The following SETD7 variants were observed in gnomAD, a reference collection of about 807,000 sequenced individuals.
SETD7 encodes SET domain containing 7, histone lysine methyltransferase.
Under a neutral mutation model 41.8 loss-of-function variants are expected in SETD7, and 16 were observed. That is an observed-to-expected ratio of 0.38 (90% CI 0.26 to 0.58). The LOEUF is 0.58. Among genes scored for constraint, SETD7 ranks in the 20% least tolerant of loss-of-function variants. The pLI is 0.64. For missense variants in SETD7, 346 were observed against 459.7 expected (o/e 0.75, Z 2.26); for synonymous variants, 163 against 169.7 (o/e 0.96, Z 0.31).
Position 139,506,839 on chromosome 4 carries a change from C to T in SETD7, c.*4824G>A, listed in dbSNP as rs539007066. 2.4e-4 allele frequency: 36 copies of T among 152,738 alleles called. No individual in the cohort carries two copies. The highest frequency in any genetic ancestry group is 8.4e-4 in the African/African-American group (35 of 41,560). 9.5% of individuals were successfully genotyped at this position (152,738 alleles called of 1,614,324 possible). On this transcript the variant is annotated 3_prime_UTR_variant, in exon 8 of 8. Coordinates refer to ENST00000274031, the MANE Select transcript of SETD7 (RefSeq NM_030648.4). ...CTTGACATTTAACAACTTTGAACAA[C>T]TGTGTGTAAAGTCACAGACAGAGGA...
downstream of SETD7, among the ~76,000 whole-genome samples, chr4:139,504,045 G>C (rs1320723400): frequency 6.6e-6 from 1 of 152,208 alleles, no homozygotes; most frequent in Non-Finnish European, 1.5e-5. Flanking sequence ...AGGCAGAGTG[G>C]AAAGATGGGA....
chr4:139,493,335 T>A (rs1007402918), downstream of SETD7, among the ~76,000 whole-genome samples: 3 of 151,892 alleles, frequency 2.0e-5, no homozygotes, highest in African/African-American at 7.3e-5. Context: ...AATCAGCAGG[T>A]ATAAAGGCCT....
At chr4:139,516,727 A>G (rs1384269708) in intron 7 of SETD7, among the ~76,000 whole-genome samples, 6 of 152,050 alleles carry the variant, frequency 3.9e-5, no homozygotes, top group African/African-American at 1.4e-4. Flanking sequence ...AAATATATGT[A>G]CTCCTTTATA....
chr4:139,544,797 A>AGTGTGTGTGTGTGTGTGTGTGTGTGT (rs10581648), intron 2 of SETD7, among the ~76,000 whole-genome samples: 1 of 144,840 alleles, frequency 6.9e-6, no homozygotes, highest in Non-Finnish European at 1.5e-5. Context: ...CCAGATTTAA[A>AGTGTGTGTGTGTGTGTGTGTGTGTGT]GTGTGTGTGT....
At chr4:139,549,333 C>T (rs1252033940) in intron 1 of SETD7, among the ~76,000 whole-genome samples, 1 of 152,026 alleles carries the variant, frequency 6.6e-6, no homozygotes, top group African/African-American at 2.4e-5. Flanking sequence ...AATTAATTTC[C>T]ACCTTCCTTC....
exon 8 of SETD7, chr4:139,496,123 C>G: frequency 2.5e-6 from 1 of 394,372 alleles, no homozygotes; most frequent in Non-Finnish European, 4.5e-6. Flanking sequence ...TCCAAATATC[C>G]TGATTGTTTT....
downstream of SETD7, among the ~76,000 whole-genome samples, chr4:139,503,900 G>A (rs775368469): frequency 1.3e-5 from 2 of 152,202 alleles, no homozygotes; most frequent in Non-Finnish European, 2.9e-5. Flanking sequence ...TTTCCTCAGT[G>A]ATAGAGGCCA....
At chr4:139,512,177 C>G (rs1726894341) in intron 7 of SETD7, among the ~76,000 whole-genome samples, 1 of 152,166 alleles carries the variant, frequency 6.6e-6, no homozygotes, top group Non-Finnish European at 1.5e-5. Flanking sequence ...TGATCAACAA[C>G]AAAAATCTGT....
chr4:139,516,125 G>C (rs927987932), intron 7 of SETD7, among the ~76,000 whole-genome samples: 11 of 152,156 alleles, frequency 7.2e-5, no homozygotes, highest in African/African-American at 2.7e-4. Context: ...GAGACAATTA[G>C]AGCCAAGGGC....
intron 7 of SETD7, among the ~76,000 whole-genome samples, chr4:139,497,220 C>T (rs1029917406): frequency 2.6e-5 from 4 of 151,990 alleles, no homozygotes; most frequent in Non-Finnish European, 4.4e-5. Flanking sequence ...TTTGGGAGGC[C>T]GAGGTGGGCG....
chr4:139,536,797 A>G lies in SETD7; in HGVS notation c.171-3431T>C, dbSNP rs189629414. 1.3e-3 allele frequency among the ~76,000 whole-genome samples: 198 copies of G among 150,072 alleles called. 2 individuals are homozygous for G. The East Asian group carries it at 0.038, about 29-fold the overall frequency. On this transcript the variant is annotated intron_variant, in intron 2 of 7. Coordinates refer to ENST00000274031, the MANE Select transcript of SETD7 (RefSeq NM_030648.4). ...GCAGGAGGATCACCTGAGGTCAGGA[A>G]TTTGAAACTAGCCTGGCCAACATGG...
chr4:139,527,603 T>C (rs1258291849), intron 4 of SETD7, among the ~76,000 whole-genome samples: 1 of 152,148 alleles, frequency 6.6e-6, no homozygotes, highest in Admixed American at 6.5e-5. Context: ...CATAATCTTA[T>C]GGTACCACAG....
At chr4:139,548,010 A>G (rs1172410076) in intron 1 of SETD7, 1 of 152,262 alleles carries the variant, frequency 6.6e-6, no homozygotes, top group South Asian at 2.1e-4. Context: ...TACAAAACCC[A>G]GGAATCACCT....
chr4:139,537,850 T>G (rs1051368785), intron 2 of SETD7, among the ~76,000 whole-genome samples: 2 of 152,226 alleles, frequency 1.3e-5, no homozygotes, highest in Non-Finnish European at 2.9e-5. Flanking sequence ...TTAAACTTCC[T>G]ATGCTTCATT....
chr4:139,511,988 T>C, intron 7 of SETD7, 145 bp from the exon 8 acceptor site: 1 of 1,408,958 alleles, frequency 7.1e-7, no homozygotes, highest in Non-Finnish European at 9.2e-7. Context: ...TCACCCAGCA[T>C]CAGTTTCACC....
intron 2 of SETD7, among the ~76,000 whole-genome samples, chr4:139,533,651 C>A (rs1727552941): frequency 6.6e-6 from 1 of 152,214 alleles, no homozygotes; most frequent in South Asian, 2.1e-4. Context: ...AAACTGAGAA[C>A]AAGTTCACTT....
At chr4:139,549,983 T>C (rs1216522290) in intron 1 of SETD7, among the ~76,000 whole-genome samples, 4 of 152,076 alleles carry the variant, frequency 2.6e-5, no homozygotes, top group Non-Finnish European at 4.4e-5. Context: ...TTTCACTATA[T>C]TGGCCAGGCT....
At chr4:139,546,864 C>A in intron 2 of SETD7, 56 bp downstream of exon 2, 1 of 1,610,476 alleles carries the variant, frequency 6.2e-7, no homozygotes, top group South Asian at 1.1e-5. Context: ...TGTATTAGTC[C>A]TTAACATAAA....
At chr4:139,522,689 T>G (rs2111137325) in intron 5 of SETD7, among the ~76,000 whole-genome samples, 1 of 147,948 alleles carries the variant, frequency 6.8e-6, no homozygotes, top group South Asian at 2.1e-4. Context: ...GCACAGACCC[T>G]AAGAACGGGA....
Sources: gnomAD v4.1 joint callset for allele counts (sites outside exome capture counted in the v4.1 genomes callset) on GRCh38, gnomAD v4.1.1 for gene constraint, MANE v1.5 for transcripts, NCBI Gene and HGNC (gene_info 2026-07-23, HGNC 2026-07-21) for gene names.